The following CYP19A1 variants were observed in gnomAD, a reference collection of about 807,000 sequenced individuals.
The protein encoded by CYP19A1 is aromatase.
CYP19A1 carries 32 observed loss-of-function variants against 44.4 expected under a neutral mutation model. The ratio of observed to expected loss-of-function variants is 0.72; its 90% CI spans 0.54 to 0.97. The LOEUF (loss-of-function observed/expected upper bound fraction) is 0.97. CYP19A1 is among the 50% of genes least tolerant of loss of function. The probability of loss-of-function intolerance (pLI) is 0.00; values close to 1 mark genes in which losing one functional copy is unlikely to be tolerated. For synonymous variants in CYP19A1, 212 were observed against 215.6 expected (o/e 0.98, Z 0.14); for missense variants, 598 against 637.8 (o/e 0.94, Z 0.67).
At chr15:51,314,636 G>T (rs907493948) in intron 1 of CYP19A1, among the ~76,000 whole-genome samples, 5 of 152,126 alleles carry the variant, frequency 3.3e-5, no homozygotes, top group African/African-American at 1.2e-4. Context: ...TTGCATCATT[G>T]TTTAGCCTGG....
intron 6 of CYP19A1, among the ~76,000 whole-genome samples, chr15:51,216,383 T>C (rs1595672607): frequency 6.6e-6 from 1 of 152,030 alleles, no homozygotes; most frequent in African/African-American, 2.4e-5. Context: ...TCCCGAGTAG[T>C]TGGGATTACA....
intron 1 of CYP19A1, among the ~76,000 whole-genome samples, chr15:51,310,147 G>A (rs1176628068): frequency 6.6e-6 from 1 of 152,190 alleles, no homozygotes; most frequent in Admixed American, 6.5e-5. Context: ...TCAACTTCTA[G>A]TTCCAACCAA....
At chr15:51,313,313 G>A (rs1437469790) in intron 1 of CYP19A1, 1 of 152,256 alleles carries the variant, frequency 6.6e-6, no homozygotes. Context: ...TCAAAGCTGA[G>A]TAGTCTTGGC....
At chr15:51,300,431 T>C (rs2036088563) in intron 1 of CYP19A1, among the ~76,000 whole-genome samples, 1 of 152,206 alleles carries the variant, frequency 6.6e-6, no homozygotes, top group Admixed American at 6.5e-5. Flanking sequence ...ACTGCTTTCA[T>C]AGGAGAGATC....
chr15:51,236,734 T>G, intron 3 of CYP19A1, 125 bp downstream of exon 3: 2 of 1,235,684 alleles, frequency 1.6e-6, no homozygotes, highest in Non-Finnish European at 2.3e-6. Context: ...ATTGCTCACT[T>G]CATTTCAGTG....
chr15:51,286,035 C>T (rs1004385405), intron 1 of CYP19A1, among the ~76,000 whole-genome samples: 1 of 152,156 alleles, frequency 6.6e-6, no homozygotes, highest in African/African-American at 2.4e-5. Flanking sequence ...GCATACCCAC[C>T]AGTTCTCCAA....
intron 4 of CYP19A1, among the ~76,000 whole-genome samples, chr15:51,224,190 C>A (rs2032382048): frequency 6.6e-6 from 1 of 152,102 alleles, no homozygotes; most frequent in Admixed American, 6.5e-5. Flanking sequence ...GGGTCATTGC[C>A]TAAGTTGCAC....
chr15:51,287,350 A>C (rs1043370106), intron 1 of CYP19A1, among the ~76,000 whole-genome samples: 2 of 152,240 alleles, frequency 1.3e-5, no homozygotes, highest in African/African-American at 4.8e-5. Flanking sequence ...GGCATTACTA[A>C]CGCAATGCGA....
intron 1 of CYP19A1, among the ~76,000 whole-genome samples, chr15:51,300,972 G>A (rs1220576018): frequency 1.3e-5 from 2 of 152,166 alleles, no homozygotes; most frequent in Admixed American, 6.5e-5. Flanking sequence ...CAACAGAAGT[G>A]AATAGGAGGC....
intron 3 of CYP19A1, among the ~76,000 whole-genome samples, chr15:51,235,739 G>C (rs1334900689): frequency 2.6e-5 from 4 of 152,162 alleles, no homozygotes; most frequent in African/African-American, 9.7e-5. Flanking sequence ...ATCTTGACCT[G>C]AAAAAATTAT....
At chr15:51,294,293 G>C (rs555747205) in intron 1 of CYP19A1, among the ~76,000 whole-genome samples, 2 of 132,188 alleles carry the variant, frequency 1.5e-5, no homozygotes, top group South Asian at 5.3e-4. Context: ...GCCGCCCATC[G>C]TCTGAGATGT....
chr15:51,222,958 A>T lies in CYP19A1; in HGVS notation c.452-433T>A, dbSNP rs971681664. On this transcript the variant is annotated intron_variant, in intron 4 of 9. Coordinates refer to ENST00000396402, the MANE Select transcript of CYP19A1 (RefSeq NM_000103.4). ...ATTTTGCGTTTCAACAGGTGGCAGG[A>T]TATTATTGGAAAACTGGTCAAATTG... 3.3e-5 allele frequency among the ~76,000 whole-genome samples: 5 copies of T among 152,084 alleles called. No homozygotes were observed. In the East Asian group the frequency reaches 9.6e-4, roughly 29 times the overall value.
chr15:51,285,560 C>T lies in CYP19A1; in HGVS notation c.-38-42610G>A, dbSNP rs1348196088. ...GTCTGACATAATGTCCAGGGCTCGG[C>T]GCATAAAACCCCTCGTGGCCTCTGG... is the stretch of plus-strand genomic sequence containing the variant. On this transcript the variant is annotated intron_variant, in intron 1 of 9. Transcript: ENST00000396402. Among the ~76,000 whole-genome samples, 5 of 152,150 alleles carry T rather than the reference C, an allele frequency of 3.3e-5. No individual in the cohort carries two copies. In the South Asian group the frequency reaches 6.2e-4, roughly 19 times the overall value.
intron 1 of CYP19A1, among the ~76,000 whole-genome samples, chr15:51,311,570 T>A (rs1227855931): frequency 6.6e-6 from 1 of 152,174 alleles, no homozygotes; most frequent in African/African-American, 2.4e-5. Context: ...GAAAAAACAA[T>A]GGCTGAAAAC....
chr15:51,274,945 C>T (rs1435079401), intron 1 of CYP19A1, among the ~76,000 whole-genome samples: 2 of 152,166 alleles, frequency 1.3e-5, no homozygotes, highest in African/African-American at 4.8e-5. Context: ...TGTCATCTCA[C>T]CCCCACTCTC....
chr15:51,246,123 G>T (rs573786287), intron 1 of CYP19A1, among the ~76,000 whole-genome samples: 3 of 152,306 alleles, frequency 2.0e-5, no homozygotes, highest in African/African-American at 7.2e-5. Context: ...TGGTTTTCCT[G>T]TTCAGTGGAA....
At chr15:51,283,887 C>A (rs767063076) in intron 1 of CYP19A1, among the ~76,000 whole-genome samples, 1 of 152,232 alleles carries the variant, frequency 6.6e-6, no homozygotes, top group Admixed American at 6.5e-5. Flanking sequence ...GCAGTGTTGC[C>A]ATAGACCTTT....
chr15:51,211,265 A>AG, intron 9 of CYP19A1, among the ~76,000 whole-genome samples: 1 of 152,324 alleles, frequency 6.6e-6, no homozygotes, highest in East Asian at 1.9e-4. Flanking sequence ...CCAACCTCAG[A>AG]GAGTCCCCAG....
rs546822445 is a variant in CYP19A1, at chr15:51,215,599, T to C, written c.858+104A>G. 5.6e-6 allele frequency: 9 copies of C among 1,599,116 alleles called. No individual in the cohort carries two copies. The African/African-American group carries it at 1.2e-4, about 21-fold the overall frequency. ...GATTACAGAACTGCTAGAGAAAGTATTTAAAAGCAGAAATATGCAACAGTT... is the reference window on the plus strand; with the variant it reads ...GATTACAGAACTGCTAGAGAAAGTACTTAAAAGCAGAAATATGCAACAGTT... On this transcript the variant is annotated intron_variant, in intron 7 of 9. Coordinates refer to ENST00000396402, the MANE Select transcript of CYP19A1 (RefSeq NM_000103.4).
Sources: allele counts gnomAD v4.1 joint callset (sites outside exome capture counted in the v4.1 genomes callset), GRCh38; gene constraint gnomAD v4.1.1; transcripts MANE v1.5; gene names NCBI Gene and HGNC (gene_info 2026-07-23, HGNC 2026-07-21).